SAMD5: variants seen among roughly 807,000 people sequenced by gnomAD.
The protein encoded by SAMD5 is sterile alpha motif domain containing 5, also known as sterile alpha motif domain-containing protein 5.
SAMD5 carries 13 observed loss-of-function variants against 11.3 expected under a neutral mutation model. The observed-to-expected ratio is 1.15, with a 90% CI of 0.75 to 1.83. The LOEUF (loss-of-function observed/expected upper bound fraction) is 1.83. SAMD5 is among the 40% of genes most tolerant of loss of function. The probability of loss-of-function intolerance (pLI) is 0.00; values close to 1 mark genes in which losing one functional copy is unlikely to be tolerated. For synonymous variants in SAMD5, 129 were observed against 111.3 expected, an observed-to-expected ratio of 1.16 and a Z score of -1.00; for missense variants, 255 against 239.1, an observed-to-expected ratio of 1.07 and a Z score of -0.44.
At chr6:147,905,649 GA>G in the SAMD5 span, among the ~76,000 whole-genome samples, 2 of 152,088 alleles carry the variant, frequency 1.3e-5, no homozygotes, top group African/African-American at 4.8e-5. Context: ...AATTGAACAT[GA>G]AAACTTAGGT....
the SAMD5 span, among the ~76,000 whole-genome samples, chr6:147,932,522 A>G: frequency 6.6e-6 from 1 of 151,348 alleles, no homozygotes; most frequent in Non-Finnish European, 1.5e-5. Flanking sequence ...TACTAAAATT[A>G]TTGTCTTCCC....
the SAMD5 span, among the ~76,000 whole-genome samples, chr6:147,768,540 A>G: frequency 6.6e-6 from 1 of 152,148 alleles, no homozygotes; most frequent in Non-Finnish European, 1.5e-5. Context: ...ACAGAAAAAA[A>G]CAAAACAAAG....
At chr6:147,936,473 C>G in the SAMD5 span, among the ~76,000 whole-genome samples, 1 of 151,796 alleles carries the variant, frequency 6.6e-6, no homozygotes, top group Non-Finnish European at 1.5e-5. Context: ...GGATCACACA[C>G]TTTTAAATGA....
the SAMD5 span, among the ~76,000 whole-genome samples, chr6:147,847,057 T>C: frequency 2.2e-4 from 33 of 152,212 alleles, no homozygotes; most frequent in Non-Finnish European, 4.3e-4. Context: ...GTCCTCTTGC[T>C]AACCACATAC....
the SAMD5 span, among the ~76,000 whole-genome samples, chr6:147,937,158 G>A: frequency 2.0e-5 from 3 of 152,136 alleles, no homozygotes; most frequent in Non-Finnish European, 2.9e-5. Flanking sequence ...TACCCTATCA[G>A]ACAAAGAATA....
chr6:147,910,089 A>T, the SAMD5 span, among the ~76,000 whole-genome samples: 1 of 152,140 alleles, frequency 6.6e-6, no homozygotes, highest in African/African-American at 2.4e-5. Flanking sequence ...ATCCCTCAAG[A>T]ACCATTTCCC....
chr6:147,516,065 A>G (rs962725372), intron 1 of SAMD5, among the ~76,000 whole-genome samples: 5 of 152,194 alleles, frequency 3.3e-5, no homozygotes, highest in African/African-American at 9.7e-5. Context: ...TCTCAGGCTC[A>G]TGCAAGTCCA....
downstream of SAMD5, chr6:147,737,666 T>A (rs534279431): frequency 7.0e-6 from 1 of 143,694 alleles, no homozygotes; most frequent in Non-Finnish European, 1.5e-5. Context: ...AAACAAAGAT[T>A]GAGGGCTTTT....
At chr6:147,862,641 A>C in the SAMD5 span, among the ~76,000 whole-genome samples, 1 of 152,220 alleles carries the variant, frequency 6.6e-6, no homozygotes, top group Non-Finnish European at 1.5e-5. Context: ...GGTATCAAAT[A>C]GTGTAACAAA....
chr6:147,554,725 G>T (rs1788827100), intron 1 of SAMD5, among the ~76,000 whole-genome samples: 1 of 152,180 alleles, frequency 6.6e-6, no homozygotes, highest in Admixed American at 6.5e-5. Context: ...AAGGGTGAAT[G>T]TGGAGCGATT....
At chr6:147,616,202 A>ATATATAT (rs1168609277) in intron 1 of SAMD5, among the ~76,000 whole-genome samples, 3 of 125,736 alleles carry the variant, frequency 2.4e-5, no homozygotes, top group Admixed American at 7.7e-5. Context: ...ATATATATTT[A>ATATATAT]TTCATATATA....
chr6:147,908,457 C>T, the SAMD5 span, among the ~76,000 whole-genome samples: 15,612 of 152,144 alleles, frequency 0.1, 1,083 homozygotes, highest in South Asian at 0.29. Flanking sequence ...GCCTTCTCTT[C>T]CATTGGCAAG....
the SAMD5 span, among the ~76,000 whole-genome samples, chr6:147,869,511 G>C: frequency 6.6e-6 from 1 of 152,164 alleles, no homozygotes; most frequent in African/African-American, 2.4e-5. Flanking sequence ...CTCAGTGAGT[G>C]GACAGGGCTT....
the SAMD5 span, among the ~76,000 whole-genome samples, chr6:147,917,839 G>A: frequency 6.6e-6 from 1 of 152,090 alleles, no homozygotes. Flanking sequence ...TCTTGTTTTT[G>A]TCGGGTTTGT....
the SAMD5 span, among the ~76,000 whole-genome samples, chr6:147,904,602 T>C: frequency 1.3e-5 from 2 of 152,194 alleles, no homozygotes; most frequent in Non-Finnish European, 2.9e-5. Flanking sequence ...CAAGCCAGAT[T>C]CCTTTGTCAC....
chr6:147,897,158 G>A, the SAMD5 span, among the ~76,000 whole-genome samples: 5 of 152,226 alleles, frequency 3.3e-5, no homozygotes, highest in East Asian at 1.9e-4. Context: ...TGAAGTTTAC[G>A]ATATGTGAAT....
chr6:147,872,284 G>A, the SAMD5 span, among the ~76,000 whole-genome samples: 1 of 151,838 alleles, frequency 6.6e-6, no homozygotes, highest in South Asian at 2.1e-4. Flanking sequence ...TTTTTTTAGA[G>A]ATGGGGTCTT....
the SAMD5 span, among the ~76,000 whole-genome samples, chr6:147,867,585 T>C: frequency 6.6e-6 from 1 of 152,186 alleles, no homozygotes; most frequent in African/African-American, 2.4e-5. Flanking sequence ...TCCCAACCAC[T>C]TTATATCATG....
the SAMD5 span, among the ~76,000 whole-genome samples, chr6:147,837,821 G>C: frequency 8.4e-4 from 128 of 152,282 alleles, 1 homozygote; most frequent in African/African-American, 2.9e-3. Context: ...CATCTAAACT[G>C]TAATGCCACT....
Sources: allele counts gnomAD v4.1 joint callset (sites outside exome capture counted in the v4.1 genomes callset), GRCh38; gene constraint gnomAD v4.1.1; transcripts MANE v1.5; gene names NCBI Gene and HGNC (gene_info 2026-07-23, HGNC 2026-07-21).